Variants in MTDH observed in about 807,000 individuals in gnomAD.
MTDH encodes protein LYRIC.
In MTDH, 34 loss-of-function variants were observed where a neutral mutation model predicts 72.7. The ratio of observed to expected loss-of-function variants is 0.47; its 90% CI spans 0.36 to 0.62. The LOEUF (loss-of-function observed/expected upper bound fraction) is 0.62. Ranked by LOEUF, MTDH falls within the 20% of genes least tolerant of loss-of-function variation. MTDH has a pLI of 0.00. For missense variants in MTDH, 677 were observed against 699.4 expected, an observed-to-expected ratio of 0.97 and a Z score of 0.36; for synonymous variants, 266 against 268.9, an observed-to-expected ratio of 0.99 and a Z score of 0.10.
At chr8:97,666,922 C>G (rs1019643670) in intron 2 of MTDH, among the ~76,000 whole-genome samples, 1 of 152,150 alleles carries the variant, frequency 6.6e-6, no homozygotes, top group Non-Finnish European at 1.5e-5. Context: ...GTCTTGAACC[C>G]CTGACCTCAG....
At chr8:97,681,491 C>CTTTTTTTTTTTTTTTTTTT (rs35262209) in intron 2 of MTDH, among the ~76,000 whole-genome samples, 1 of 108,868 alleles carries the variant, frequency 9.2e-6, no homozygotes, top group Non-Finnish European at 1.9e-5. Context: ...AGAATTTTTT[C>CTTTTTTTTTTTTTTTTTTT]TTTTTTTTTT....
At chr8:97,658,078 A>G (rs1177234416) in intron 1 of MTDH, among the ~76,000 whole-genome samples, 2 of 152,092 alleles carry the variant, frequency 1.3e-5, no homozygotes, top group African/African-American at 4.8e-5. Context: ...CAAGAATTAT[A>G]TTGACTTTAC....
At chr8:97,654,931 C>G (rs1811909608) in intron 1 of MTDH, among the ~76,000 whole-genome samples, 1 of 152,000 alleles carries the variant, frequency 6.6e-6, no homozygotes, top group Non-Finnish European at 1.5e-5. Context: ...AAAACCCTGT[C>G]TCTACAAAAA....
intron 6 of MTDH, among the ~76,000 whole-genome samples, chr8:97,694,057 A>G (rs2131017195): frequency 6.6e-6 from 1 of 152,288 alleles, no homozygotes; most frequent in Non-Finnish European, 1.5e-5. Flanking sequence ...CTTGTGCATT[A>G]AACATACGAT....
intron 1 of MTDH, among the ~76,000 whole-genome samples, chr8:97,652,262 G>T (rs1235925372): frequency 6.6e-6 from 1 of 152,146 alleles, no homozygotes; most frequent in Non-Finnish European, 1.5e-5. Flanking sequence ...AGCTGAATTT[G>T]TGTGAGTTTC....
At chr8:97,685,077 A>G (rs570316244) in intron 2 of MTDH, among the ~76,000 whole-genome samples, 13 of 152,312 alleles carry the variant, frequency 8.5e-5, no homozygotes, top group Non-Finnish European at 1.3e-4. Context: ...AAAAAAACCA[A>G]AAAATAATAA....
At chr8:97,714,604 C>CAA (rs1312798896) in intron 9 of MTDH, among the ~76,000 whole-genome samples, 13 of 123,946 alleles carry the variant, frequency 1.0e-4, no homozygotes, top group African/African-American at 2.9e-4. Flanking sequence ...GAACCTGTCT[C>CAA]AAAAAAAAAA....
At chr8:97,650,487 C>G (rs1811728463) in intron 1 of MTDH, among the ~76,000 whole-genome samples, 1 of 151,912 alleles carries the variant, frequency 6.6e-6, no homozygotes, top group African/African-American at 2.4e-5. Flanking sequence ...GTTGCCTAGA[C>G]TGGTCTTGAA....
At chr8:97,660,359 A>G (rs920899163) in intron 1 of MTDH, among the ~76,000 whole-genome samples, 1 of 152,200 alleles carries the variant, frequency 6.6e-6, no homozygotes, top group Non-Finnish European at 1.5e-5. Context: ...ATGAAATTAC[A>G]GAATTAGAGG....
At position 97,701,861 on chromosome 8, in the gene MTDH, TC is replaced by T. The variant is rs148942953; in HGVS notation, c.1147+2011del. Among the ~76,000 whole-genome samples the T allele has an allele frequency of 5.3e-3, 808 of 152,314 alleles. 5 individuals are homozygous for T. The highest frequency in any genetic ancestry group is 0.017 in the African/African-American group (714 of 41,564). ...AAATAAAAGATTTTTAAAACATGTA[TC>T]CACAGGATTCTATACTTAATCAAAG... On this transcript the variant is annotated intron_variant, in intron 7 of 11. Transcript: ENST00000336273.
chr8:97,683,794 A>T (rs1813239051), intron 2 of MTDH, among the ~76,000 whole-genome samples: 2 of 152,072 alleles, frequency 1.3e-5, no homozygotes, highest in Non-Finnish European at 2.9e-5. Context: ...GCCACTTGCC[A>T]CGTGTGGATA....
At chr8:97,693,096 A>G (rs916746002) in intron 6 of MTDH, among the ~76,000 whole-genome samples, 3 of 152,096 alleles carry the variant, frequency 2.0e-5, no homozygotes, top group African/African-American at 7.2e-5. Flanking sequence ...GGGAATATGG[A>G]TGTTTGTAAT....
chr8:97,662,418 A>G (rs1202495722), intron 2 of MTDH, among the ~76,000 whole-genome samples: 1 of 151,604 alleles, frequency 6.6e-6, no homozygotes, highest in Non-Finnish European at 1.5e-5. Context: ...ACAAAACAAG[A>G]CAGTCACTGA....
chr8:97,679,235 A>G (rs1046665534), intron 2 of MTDH, among the ~76,000 whole-genome samples: 1 of 152,198 alleles, frequency 6.6e-6, no homozygotes, highest in African/African-American at 2.4e-5. Flanking sequence ...AGTAATAGCT[A>G]TAAACCAGAT....
chr8:97,722,921 G>A lies in MTDH; in HGVS notation c.1564G>A (p.Val522Ile), dbSNP rs202034424. The A allele has an allele frequency of 3.7e-6, 6 of 1,613,964 alleles. No homozygotes were observed. The highest frequency in any genetic ancestry group is 1.7e-4 in the Middle Eastern group (1 of 6,060). ...ACCTGCTACTTCTACCGAGCCATCT[G>A]TAATCTTATCAAAAAGTGATTCTGA... ...LPPATSTEPS[V>I]ILSKSDSDKS... The change falls in exon 11 of 12, where the codon GTA becomes ATA. Residue 522 changes from valine (V) to isoleucine (I), a missense_variant. Coordinates refer to ENST00000336273, the MANE Select transcript of MTDH (RefSeq NM_178812.4).
chr8:97,680,804 A>T (rs573557269), intron 2 of MTDH, among the ~76,000 whole-genome samples: 1 of 152,206 alleles, frequency 6.6e-6, no homozygotes, highest in Non-Finnish European at 1.5e-5. Flanking sequence ...CAAATGCTAG[A>T]CAGGCTTCCT....
intron 10 of MTDH, among the ~76,000 whole-genome samples, chr8:97,721,722 T>A (rs181789383): frequency 3.8e-4 from 58 of 152,340 alleles, no homozygotes; most frequent in South Asian, 3.1e-3. Flanking sequence ...CAGGTCCTGA[T>A]CATTTATTAA....
In MTDH at chr8:97,689,489, T is replaced by A. The variant is rs145539467; in HGVS notation, c.811+386T>A. On this transcript the variant is annotated intron_variant, in intron 5 of 11. Coordinates refer to ENST00000336273, the MANE Select transcript of MTDH (RefSeq NM_178812.4). ...TAAAAAAAAAAAAAGCTTTAGTTCC[T>A]ATAATGTTTTAACTGCTTCCTTGAC... Among the ~76,000 whole-genome samples, 212 of 152,060 alleles carry A rather than the reference T, an allele frequency of 1.4e-3. 1 individual carries two copies. Among genetic ancestry groups the A allele is most frequent in the African/African-American group, 4.9e-3 (203 of 41,538 alleles).
chr8:97,715,171 C>T (rs866282500), intron 9 of MTDH, among the ~76,000 whole-genome samples: 1 of 147,414 alleles, frequency 6.8e-6, no homozygotes, highest in Non-Finnish European at 1.5e-5. Context: ...TCTGTCACCC[C>T]GGCTGGAGTG....
Sources: gnomAD v4.1 joint callset for allele counts (sites outside exome capture counted in the v4.1 genomes callset) on GRCh38, gnomAD v4.1.1 for gene constraint, MANE v1.5 for transcripts, NCBI Gene and HGNC (gene_info 2026-07-23, HGNC 2026-07-21) for gene names.